The following TENM1 variants were observed in gnomAD, a reference collection of about 807,000 sequenced individuals.
The protein encoded by TENM1 is teneurin transmembrane protein 1, also known as teneurin-1.
Under a neutral mutation model 174.8 loss-of-function variants are expected in TENM1, and 35 were observed. The observed-to-expected ratio is 0.20, with a 90% CI of 0.15 to 0.27. TENM1 has a LOEUF of 0.27. Ranked by LOEUF, TENM1 falls within the 10% of genes least tolerant of loss-of-function variation. The pLI, the probability that TENM1 is intolerant of heterozygous loss-of-function variation, is 1.00. For missense variants in TENM1, 1,633 were observed against 2,130.1 expected (o/e 0.77, Z 4.59); for synonymous variants, 781 against 798.7 (o/e 0.98, Z 0.37).
chrX:124,760,285 T>A (rs2054375728), intron 3 of TENM1, among the ~76,000 whole-genome samples: 1 of 112,082 alleles, frequency 8.9e-6, no homozygotes, highest in African/African-American at 3.2e-5. Flanking sequence ...GACAAGAACC[T>A]GATTTTAGCT....
intron 6 of TENM1, among the ~76,000 whole-genome samples, chrX:124,666,382 T>A (rs770650201): frequency 2.7e-5 from 3 of 111,753 alleles, no homozygotes; most frequent in Non-Finnish European, 5.6e-5. Flanking sequence ...TACAAGACTT[T>A]ACCTGAGCCT....
chrX:125,195,561 G>A, the TENM1 span, among the ~76,000 whole-genome samples: 2 of 111,824 alleles, frequency 1.8e-5, no homozygotes, highest in Non-Finnish European at 3.8e-5. Context: ...TGAAGAAAAT[G>A]TAGCATCCTT....
the TENM1 span, among the ~76,000 whole-genome samples, chrX:125,130,546 T>C: frequency 9.0e-6 from 1 of 111,179 alleles, no homozygotes; most frequent in Non-Finnish European, 1.9e-5. Flanking sequence ...TAATATTTTA[T>C]GATTATAGCA....
At position 124,683,965 on chromosome X, in the gene TENM1, T is replaced by C. The variant is rs189840700; in HGVS notation, c.1016-12130A>G. 3.6e-5 allele frequency among the ~76,000 whole-genome samples: 4 copies of C among 112,354 alleles called. No individual in the cohort carries two copies. In the East Asian group the frequency reaches 8.3e-4, roughly 23 times the overall value. ...TTTGTATGGTTTGAAACTGTAATTT[T>C]GGATTTTAAACAATGTTAAAATATG... On this transcript the variant is annotated intron_variant, in intron 5 of 31. Transcript: ENST00000422452.
chrX:125,053,100 A>T, the TENM1 span, among the ~76,000 whole-genome samples: 1 of 112,137 alleles, frequency 8.9e-6, no homozygotes, highest in Non-Finnish European at 1.9e-5. Flanking sequence ...AAAGACAGAA[A>T]GAGACTGTGA....
intron 3 of TENM1, among the ~76,000 whole-genome samples, chrX:124,852,368 A>G (rs1361302168): frequency 9.1e-6 from 1 of 110,345 alleles, no homozygotes; most frequent in African/African-American, 3.3e-5. Flanking sequence ...AAAAATTATG[A>G]GGGCTGGAGG....
chrX:125,024,696 C>T, the TENM1 span, among the ~76,000 whole-genome samples: 1 of 111,139 alleles, frequency 9.0e-6, no homozygotes, highest in Admixed American at 9.6e-5. Context: ...CCAGACTTTA[C>T]CATTAAACAA....
chrX:124,713,707 T>C (rs1453654723), intron 4 of TENM1, among the ~76,000 whole-genome samples: 1 of 112,290 alleles, frequency 8.9e-6, no homozygotes, highest in East Asian at 2.8e-4. Flanking sequence ...TCTAGGTACA[T>C]TGTCTCTTAC....
chrX:124,989,816 G>A, the TENM1 span, among the ~76,000 whole-genome samples: 6 of 110,385 alleles, frequency 5.4e-5, no homozygotes, highest in African/African-American at 1.6e-4. Context: ...CATTCCCATT[G>A]TACTTTTCAC....
At chrX:124,762,236 A>G (rs893664252) in intron 3 of TENM1, among the ~76,000 whole-genome samples, 3 of 112,156 alleles carry the variant, frequency 2.7e-5, no homozygotes, top group Non-Finnish European at 3.8e-5. Context: ...CAAAGGCCCA[A>G]TTGCTAAATA....
intron 18 of TENM1, among the ~76,000 whole-genome samples, chrX:124,514,449 A>G (rs1270049510): frequency 9.0e-6 from 1 of 111,180 alleles, no homozygotes; most frequent in Non-Finnish European, 1.9e-5. Flanking sequence ...TATATAGGCC[A>G]CTAGCTAGAC....
At chrX:124,983,037 TTGTA>T in the TENM1 span, among the ~76,000 whole-genome samples, 1 of 112,291 alleles carries the variant, frequency 8.9e-6, no homozygotes. Flanking sequence ...AAAACACATG[TTGTA>T]TGTCTTTTGT....
At chrX:125,044,213 A>T in the TENM1 span, among the ~76,000 whole-genome samples, 79 of 92,398 alleles carry the variant, frequency 8.5e-4, 2 homozygotes, top group African/African-American at 3.2e-3. Context: ...AAAAAAAAAT[A>T]AAAAAAAAAT....
chrX:124,466,901 T>C (rs1054043575), intron 22 of TENM1, among the ~76,000 whole-genome samples: 1 of 111,680 alleles, frequency 9.0e-6, no homozygotes, highest in Non-Finnish European at 1.9e-5. Flanking sequence ...GCAGAATCTA[T>C]TCTGATGGAT....
the TENM1 span, among the ~76,000 whole-genome samples, chrX:125,040,334 CA>C: frequency 9.0e-6 from 1 of 110,868 alleles, no homozygotes. Context: ...CAGGTCCCCA[CA>C]AAACCTGGAT....
intron 14 of TENM1, among the ~76,000 whole-genome samples, chrX:124,550,785 C>G (rs1360541466): frequency 9.4e-6 from 1 of 105,977 alleles, no homozygotes. Flanking sequence ...TTGAGACGGA[C>G]TTTTGCTCTG....
intron 1 of TENM1, among the ~76,000 whole-genome samples, chrX:124,899,903 G>T (rs776417741): frequency 1.8e-4 from 20 of 112,343 alleles, no homozygotes; most frequent in Non-Finnish European, 3.0e-4. Flanking sequence ...CCCACAAGAA[G>T]TGTTGAGAAA....
intron 1 of TENM1, among the ~76,000 whole-genome samples, chrX:124,913,351 G>A (rs973504601): frequency 3.2e-4 from 36 of 111,283 alleles, no homozygotes; most frequent in African/African-American, 1.1e-3. Context: ...GGAGACTAGG[G>A]TACCATTAAA....
the TENM1 span, among the ~76,000 whole-genome samples, chrX:125,098,116 T>A: frequency 9.0e-6 from 1 of 110,539 alleles, no homozygotes; most frequent in African/African-American, 3.3e-5. Flanking sequence ...ACAAAAAAAT[T>A]AGCCGGGCAT....
Sources: gnomAD v4.1 joint callset for allele counts (sites outside exome capture counted in the v4.1 genomes callset) on GRCh38, gnomAD v4.1.1 for gene constraint, MANE v1.5 for transcripts, NCBI Gene and HGNC (gene_info 2026-07-23, HGNC 2026-07-21) for gene names.